Variants in SIAH3 observed in about 807,000 individuals in gnomAD.
SIAH3 encodes the protein siah E3 ubiquitin protein ligase family member 3.
A neutral mutation model predicts 12.6 loss-of-function variants in SIAH3; 9 were observed. That is an observed-to-expected ratio of 0.72 (90% CI 0.43 to 1.25). SIAH3 has a LOEUF of 1.25. SIAH3 is among the 50% of genes most tolerant of loss of function. The pLI is 0.00. For missense variants in SIAH3, 390 were observed against 365.4 expected (o/e 1.07, Z -0.55); for synonymous variants, 154 against 151.1 (o/e 1.02, Z -0.14).
chr13:45,785,627 G>T (rs1373264850), intron 1 of SIAH3, among the ~76,000 whole-genome samples: 1 of 152,254 alleles, frequency 6.6e-6, no homozygotes, highest in African/African-American at 2.4e-5. Flanking sequence ...CACTGGGATT[G>T]TCACCCGAGT....
intron 1 of SIAH3, among the ~76,000 whole-genome samples, chr13:45,836,156 AG>A (rs1443206992): frequency 2.0e-5 from 3 of 152,150 alleles, no homozygotes; most frequent in African/African-American, 7.2e-5. Flanking sequence ...AGGCAGATAG[AG>A]GGGGTCAAGG....
intron 1 of SIAH3, among the ~76,000 whole-genome samples, chr13:45,791,844 T>C (rs1417925872): frequency 6.6e-6 from 1 of 152,204 alleles, no homozygotes; most frequent in African/African-American, 2.4e-5. Flanking sequence ...ACCTCCCAGA[T>C]TGCTCTAGGC....
chr13:45,831,663 C>T (rs1158071077), intron 1 of SIAH3, among the ~76,000 whole-genome samples: 1 of 152,152 alleles, frequency 6.6e-6, no homozygotes, highest in Non-Finnish European at 1.5e-5. Context: ...CTGTTTCAGA[C>T]AGCGGTGAGT....
At chr13:45,789,803 G>C (rs531994640) in intron 1 of SIAH3, among the ~76,000 whole-genome samples, 38 of 152,274 alleles carry the variant, frequency 2.5e-4, no homozygotes, top group African/African-American at 8.7e-4. Flanking sequence ...TATTGGAAAA[G>C]TCCATACCTG....
At chr13:45,817,783 T>C (rs781295828) in intron 1 of SIAH3, among the ~76,000 whole-genome samples, 5 of 152,216 alleles carry the variant, frequency 3.3e-5, no homozygotes, top group Non-Finnish European at 5.9e-5. Flanking sequence ...TGTATTTTAC[T>C]CTTCCCAACA....
intron 1 of SIAH3, among the ~76,000 whole-genome samples, chr13:45,800,645 C>T (rs1455605815): frequency 1.3e-5 from 2 of 152,210 alleles, no homozygotes; most frequent in Admixed American, 6.5e-5. Flanking sequence ...CACTTCCAAT[C>T]CCTTCCTTTT....
At chr13:45,827,013 T>C (rs1345250893) in intron 1 of SIAH3, among the ~76,000 whole-genome samples, 1 of 152,198 alleles carries the variant, frequency 6.6e-6, no homozygotes, top group Non-Finnish European at 1.5e-5. Context: ...CACCAATTCC[T>C]TTTTTCTTCA....
chr13:45,799,339 T>C (rs533218901), intron 1 of SIAH3, among the ~76,000 whole-genome samples: 6 of 152,344 alleles, frequency 3.9e-5, no homozygotes, highest in Admixed American at 3.3e-4. Context: ...AGAACGATGA[T>C]ATCTGCCTCC....
At chr13:45,835,490 A>C (rs1018720483) in intron 1 of SIAH3, among the ~76,000 whole-genome samples, 1 of 152,320 alleles carries the variant, frequency 6.6e-6, no homozygotes, top group South Asian at 2.1e-4. Flanking sequence ...TTCTGTGCCA[A>C]GCACTTTATT....
chr13:45,805,009 C>CACACACAA (rs1555257626), intron 1 of SIAH3, among the ~76,000 whole-genome samples: 1 of 134,198 alleles, frequency 7.5e-6, no homozygotes, highest in African/African-American at 2.9e-5. Context: ...CACACACACA[C>CACACACAA]AAAATACTTT....
intron 1 of SIAH3, among the ~76,000 whole-genome samples, chr13:45,850,553 C>T (rs1014500133): frequency 6.6e-6 from 1 of 152,144 alleles, no homozygotes; most frequent in Non-Finnish European, 1.5e-5. Context: ...GTTTCCCATC[C>T]GGGGAGTTCA....
chr13:45,813,575 T>C (rs1382217884), intron 1 of SIAH3, among the ~76,000 whole-genome samples: 5 of 152,240 alleles, frequency 3.3e-5, no homozygotes, highest in Non-Finnish European at 7.3e-5. Context: ...ACTAGGTTGT[T>C]GCAAAAGTAA....
chr13:45,814,238 C>CAAAAAAAAAAAAAAAAAAAAAAAAAAAA, intron 1 of SIAH3, among the ~76,000 whole-genome samples: 1 of 72,724 alleles, frequency 1.4e-5, no homozygotes, highest in Non-Finnish European at 2.5e-5. Flanking sequence ...GACTCTGTCT[C>CAAAAAAAAAAAAAAAAAAAAAAAAAAAA]AAAAAAAAAA....
chr13:45,807,774 C>A (rs1285552768), intron 1 of SIAH3, among the ~76,000 whole-genome samples: 1 of 152,136 alleles, frequency 6.6e-6, no homozygotes, highest in African/African-American at 2.4e-5. Flanking sequence ...CCCTCCAAAT[C>A]GAATCATTGA....
intron 1 of SIAH3, among the ~76,000 whole-genome samples, chr13:45,790,005 CAG>C (rs1438836173): frequency 6.6e-6 from 1 of 152,174 alleles, no homozygotes; most frequent in African/African-American, 2.4e-5. Flanking sequence ...TAAAATAGTG[CAG>C]AGAGATTTCT....
intron 1 of SIAH3, among the ~76,000 whole-genome samples, chr13:45,844,997 T>C (rs1028230240): frequency 6.6e-6 from 1 of 152,220 alleles, no homozygotes; most frequent in East Asian, 1.9e-4. Flanking sequence ...TCGAAGATTA[T>C]AGAAGAAGTG....
chr13:45,786,517 A>C (rs1274297518), intron 1 of SIAH3, among the ~76,000 whole-genome samples: 1 of 152,142 alleles, frequency 6.6e-6, no homozygotes, highest in Non-Finnish European at 1.5e-5. Context: ...GGAGGTCGAA[A>C]GACTCTAATC....
At chr13:45,831,468 A>G (rs1280555329) in intron 1 of SIAH3, among the ~76,000 whole-genome samples, 1 of 152,192 alleles carries the variant, frequency 6.6e-6, no homozygotes, top group Non-Finnish European at 1.5e-5. Context: ...TCCAGTAAGG[A>G]GTTAATGAAG....
chr13:45,824,321 G>T (rs1185462660), intron 1 of SIAH3, among the ~76,000 whole-genome samples: 1 of 152,190 alleles, frequency 6.6e-6, no homozygotes. Context: ...GCCTCAAAGG[G>T]TTGTAAGTTA....
Sources: allele counts gnomAD v4.1 joint callset (sites outside exome capture counted in the v4.1 genomes callset), GRCh38; gene constraint gnomAD v4.1.1; transcripts MANE v1.5; gene names NCBI Gene and HGNC (gene_info 2026-07-23, HGNC 2026-07-21).